ANKLE2: variants seen among roughly 807,000 people sequenced by gnomAD.
ANKLE2 encodes ankyrin repeat and LEM domain containing 2, also known as ankyrin repeat and LEM domain-containing protein 2.
ANKLE2 carries 55 observed loss-of-function variants against 84.2 expected under a neutral mutation model. That is an observed-to-expected ratio of 0.65 (90% CI 0.53 to 0.82). The LOEUF (loss-of-function observed/expected upper bound fraction) is 0.82. Among genes scored for constraint, ANKLE2 ranks in the 40% least tolerant of loss-of-function variants. ANKLE2 has a pLI of 0.00. For missense variants in ANKLE2, 1,238 were observed against 1,201.9 expected (o/e 1.03, Z -0.44); for synonymous variants, 551 against 486.1 (o/e 1.13, Z -1.76).
In ANKLE2 at chr12:132,727,309, C is replaced by T. The variant is rs762729017; in HGVS notation, c.2750G>A (p.Arg917His). Residue 917 changes from arginine (R) to histidine (H), a missense_variant, in exon 13 of 13, where the codon CGC becomes CAC. Around this residue, in one of 3 missense-constraint regions of ANKLE2, gnomAD observed 802 missense variants for 774.5 expected, o/e 1.04. Coordinates refer to ENST00000357997, the MANE Select transcript of ANKLE2 (RefSeq NM_015114.3). Reference sequence around the variant, plus strand: ...CTGGCTCCCGTGCACGGGGCTGTAGCGCCCAGGACTGCCCAGGCCTGGCTT... The same window carrying T: ...CTGGCTCCCGTGCACGGGGCTGTAGTGCCCAGGACTGCCCAGGCCTGGCTT... ...PAKPGLGSPG[R>H]YSPVHGSQLR... The T allele has an allele frequency of 1.3e-5, 20 of 1,564,458 alleles. No individual in the cohort carries two copies. The highest frequency in any genetic ancestry group is 9.4e-5 in the Admixed American group (5 of 53,126).
intron 7 of ANKLE2, chr12:132,737,962 C>T (rs1247836466): frequency 6.6e-6 from 1 of 152,298 alleles, no homozygotes; most frequent in East Asian, 1.9e-4. Flanking sequence ...CTCTGTTGCC[C>T]AGGCTGGTCT....
chr12:132,734,084 A>C (rs1566016150), intron 10 of ANKLE2: 1 of 494,196 alleles, frequency 2.0e-6, no homozygotes, highest in Non-Finnish European at 3.9e-6. Flanking sequence ...AAAAAAAAAA[A>C]AAATACGAAA....
chr12:132,744,870 C>T (rs917226895), intron 5 of ANKLE2, among the ~76,000 whole-genome samples: 1 of 152,132 alleles, frequency 6.6e-6, no homozygotes, highest in Non-Finnish European at 1.5e-5. Flanking sequence ...TTAGTAGAGA[C>T]GGGGTTTCAC....
Position 132,734,373 on chromosome 12 carries a change from G to C in ANKLE2, c.1891+12C>G, listed in dbSNP as rs755597253. On this transcript the variant is annotated intron_variant, in intron 10 of 12. Coordinates refer to ENST00000357997, the MANE Select transcript of ANKLE2 (RefSeq NM_015114.3). ...CCTCCCAGCTGCCACAGCCACGCCT[G>C]CACATGCTTACCAGACGTGGTGGCT... 1.2e-6 allele frequency: 2 copies of C among 1,612,988 alleles called. No homozygotes were observed. Among genetic ancestry groups the C allele is most frequent in the Non-Finnish European group, 1.7e-6 (2 of 1,179,746 alleles).
chr12:132,741,747 A>G (rs925166027), intron 6 of ANKLE2: 156 of 596,090 alleles, frequency 2.6e-4, no homozygotes, highest in Non-Finnish European at 3.6e-4. Flanking sequence ...AACTGTCTGC[A>G]AGGAGAGGAA....
chr12:132,740,776 C>G (rs917703806), intron 7 of ANKLE2, among the ~76,000 whole-genome samples: 1 of 151,456 alleles, frequency 6.6e-6, no homozygotes, highest in Non-Finnish European at 1.5e-5. Flanking sequence ...GGGCCAACAA[C>G]TAGAAGCTGC....
intron 10 of ANKLE2, chr12:132,730,510 C>G (rs1023669118): frequency 3.2e-5 from 16 of 506,066 alleles, no homozygotes; most frequent in Admixed American, 1.0e-4. Context: ...AAAGGGCAAA[C>G]AGGACCCTCC....
intron 1 of ANKLE2, chr12:132,761,046 T>C (rs2044613272): frequency 6.6e-6 from 1 of 152,212 alleles, no homozygotes; most frequent in South Asian, 2.1e-4. Flanking sequence ...ACTGTATCAG[T>C]TACCTCAAAC....
At chr12:132,748,664 G>A (rs550166927) in intron 3 of ANKLE2, among the ~76,000 whole-genome samples, 73 of 152,166 alleles carry the variant, frequency 4.8e-4, no homozygotes, top group Non-Finnish European at 9.3e-4. Flanking sequence ...CAATCTTGCT[G>A]GGAAAGGCTC....
At chr12:132,742,780 CTA>C (rs2044155730) in intron 6 of ANKLE2, among the ~76,000 whole-genome samples, 2 of 132,736 alleles carry the variant, frequency 1.5e-5, no homozygotes, top group African/African-American at 2.8e-5. Context: ...ATCATCCTCA[CTA>C]CCACCATCAT....
intron 7 of ANKLE2, among the ~76,000 whole-genome samples, chr12:132,741,159 G>T (rs892408151): frequency 2.0e-5 from 3 of 152,196 alleles, no homozygotes; most frequent in Non-Finnish European, 2.9e-5. Flanking sequence ...AACAGGCAGC[G>T]ACACACAACC....
rs1435941994 is a variant in ANKLE2 at position 132,761,679 on chromosome 12, T to C, written c.120A>G (p.Gly40=). Residue 40 remains glycine (G), a synonymous_variant, in exon 1 of 13, where the codon GGA becomes GGG. Transcript: ENST00000357997. The part of the protein sequence containing the change: ...WLVRRLGPRP[G]GLGRSGTPVP... The stretch of plus-strand genomic sequence containing the variant: ...CTGGGGTCCCGCTGCGGCCCAGACC[T>C]CCCGGCCGCGGGCCCAGCCGCCGCA... The C allele has an allele frequency of 7.5e-7, 1 of 1,341,176 alleles. No homozygotes were observed. 83.1% of individuals were successfully genotyped at this position (1,341,176 alleles called of 1,614,324 possible).
chr12:132,739,380 A>G (rs749445271), intron 7 of ANKLE2, among the ~76,000 whole-genome samples: 3 of 152,258 alleles, frequency 2.0e-5, no homozygotes, highest in African/African-American at 7.2e-5. Flanking sequence ...TGTCTTACAT[A>G]TTACTATCTT....
intron 1 of ANKLE2, chr12:132,760,118 G>C (rs1309717770): frequency 6.9e-6 from 1 of 144,492 alleles, no homozygotes; most frequent in African/African-American, 2.6e-5. Context: ...TGGGCCACAG[G>C]GCGAGACTAC....
chr12:132,750,135 G>A (rs937351155), intron 3 of ANKLE2, among the ~76,000 whole-genome samples: 6 of 150,602 alleles, frequency 4.0e-5, no homozygotes, highest in African/African-American at 1.5e-4. Flanking sequence ...AACCCGGGAG[G>A]TGGAGCTTGC....
chr12:132,729,863 T>TC lies in ANKLE2; in HGVS notation c.2298_2299insG (p.Ile767AspfsTer27). On this transcript the variant is annotated frameshift_variant, in exon 11 of 13. Coordinates refer to ENST00000357997, the MANE Select transcript of ANKLE2 (RefSeq NM_015114.3). LOFTEE classifies it high-confidence loss of function. ...AACAAGTCTCTTTCTACTGCATTGATTCTTGAAGTCAGGATCTGATCTTTA... is the reference window on the plus strand; with the variant it reads ...AACAAGTCTCTTTCTACTGCATTGATCTCTTGAAGTCAGGATCTGATCTTTA... The TC allele has an allele frequency of 6.2e-7, 1 of 1,613,668 alleles. No individual in the cohort carries two copies. Among genetic ancestry groups the TC allele is most frequent in the South Asian group, 1.1e-5 (1 of 91,072 alleles).
At position 132,747,915 on chromosome 12, in the gene ANKLE2, T is replaced by C. The variant is rs1423748351; in HGVS notation, c.1147A>G (p.Met383Val). The change falls in exon 5 of 13, where the codon ATG (methionine) becomes GTG (valine). Residue 383 changes from methionine to valine, a missense_variant. Physicochemically the swap from Met to Val is conservative, Grantham distance 21. This residue lies in a region of ANKLE2 where 802 missense variants were observed against 774.5 expected (regional missense o/e 1.04). Transcript: ENST00000357997. ...VLENPDFMRL[M>V]YPDDDEAMLQ... is the part of the protein sequence containing the mutation. ...ATGGCCTCGTCGTCATCAGGGTACA[T>C]CAGCCTCATGAAGTCAGGGTTCTCC... 6 of 1,607,166 alleles carry C rather than the reference T, an allele frequency of 3.7e-6. No individual in the cohort carries two copies. The East Asian group carries it at 1.1e-4, about 30-fold the overall frequency.
At chr12:132,735,133 A>G in intron 9 of ANKLE2, 1 of 489,200 alleles carries the variant, frequency 2.0e-6, no homozygotes, top group East Asian at 3.9e-5. Context: ...TAAAATATTA[A>G]GGTTCCTTAG....
chr12:132,731,478 T>C (rs2043843750), intron 10 of ANKLE2: 1 of 152,168 alleles, frequency 6.6e-6, no homozygotes, highest in Non-Finnish European at 1.5e-5. Context: ...TGCGGGCTAA[T>C]GGTTCTATTA....
Sources: gnomAD v4.1 joint callset for allele counts (sites outside exome capture counted in the v4.1 genomes callset) on GRCh38, gnomAD v4.1.1 for gene constraint, gnomAD v4.1.1 regional missense constraint, MANE v1.5 for transcripts, NCBI Gene and HGNC (gene_info 2026-07-23, HGNC 2026-07-21) for gene names.